Variants in PREX2 observed in about 807,000 individuals in gnomAD.
PREX2 encodes phosphatidylinositol-3,4,5-trisphosphate dependent Rac exchange factor 2, also known as phosphatidylinositol 3,4,5-trisphosphate-dependent Rac exchanger 2 protein.
A neutral mutation model predicts 203.2 loss-of-function variants in PREX2; 107 were observed. The ratio of observed to expected loss-of-function variants is 0.53; its 90% confidence interval spans 0.45 to 0.62. The LOEUF is 0.62. PREX2 is among the 20% of genes least tolerant of loss of function. The probability of loss-of-function intolerance (pLI) is 0.00; values close to 1 mark genes in which losing one functional copy is unlikely to be tolerated. For missense variants in PREX2, 1,777 were observed against 1,955.9 expected, an observed-to-expected ratio of 0.91 and a Z score of 1.72; for synonymous variants, 672 against 663.6, an observed-to-expected ratio of 1.01 and a Z score of -0.19.
chr8:67,960,358 T>C (rs962389288), intron 1 of PREX2, among the ~76,000 whole-genome samples: 28 of 152,134 alleles, frequency 1.8e-4, no homozygotes, highest in African/African-American at 5.8e-4. Flanking sequence ...GGTTTTTTTT[T>C]CCCCTCCATA....
intron 10 of PREX2, among the ~76,000 whole-genome samples, chr8:68,056,709 T>C (rs535293764): frequency 6.6e-6 from 1 of 152,320 alleles, no homozygotes; most frequent in South Asian, 2.1e-4. Context: ...TATACTTTTT[T>C]AAAGATACAG....
chr8:68,164,152 T>A (rs1185829194), intron 35 of PREX2, among the ~76,000 whole-genome samples: 1 of 152,096 alleles, frequency 6.6e-6, no homozygotes. Context: ...CTCTCCCAGA[T>A]CATTTTATGT....
chr8:68,128,648 C>T lies in PREX2; in HGVS notation c.3766+1229C>T, dbSNP rs1810944059. 2.0e-5 allele frequency among the ~76,000 whole-genome samples: 3 copies of T among 152,256 alleles called. No individual in the cohort carries two copies. The South Asian group carries it at 6.2e-4, about 32-fold the overall frequency. Reference sequence around the variant, plus strand: ...TCTATGAGGCTAGCCTGTTCTTGTTCACATGGTGGATTTGCAGGGTTCCAG... The same window carrying T: ...TCTATGAGGCTAGCCTGTTCTTGTTTACATGGTGGATTTGCAGGGTTCCAG... On this transcript the variant is annotated intron_variant, in intron 31 of 39. Coordinates refer to ENST00000288368, the MANE Select transcript of PREX2 (RefSeq NM_024870.4).
At chr8:68,202,896 C>A (rs1812535175) in intron 37 of PREX2, among the ~76,000 whole-genome samples, 1 of 152,142 alleles carries the variant, frequency 6.6e-6, no homozygotes, top group Non-Finnish European at 1.5e-5. Context: ...CCAAGGAAGC[C>A]AATGCTGTGA....
At position 68,213,005 on chromosome 8, in the gene PREX2, TATTA is replaced by T. The variant is rs1812770304; in HGVS notation, c.4605-4610_4605-4607del. ...TCCTGGGGGCCTCAGGATATGGACGTATTACATCATGACCTCTGGCCCTGCACCT... is the reference window on the plus strand; with the variant it reads ...TCCTGGGGGCCTCAGGATATGGACGTCATCATGACCTCTGGCCCTGCACCT... On this transcript the variant is annotated intron_variant, in intron 37 of 39. Coordinates refer to ENST00000288368, the MANE Select transcript of PREX2 (RefSeq NM_024870.4). 4.6e-5 allele frequency among the ~76,000 whole-genome samples: 7 copies of T among 152,304 alleles called. No homozygotes were observed. The South Asian group carries it at 6.2e-4, about 14-fold the overall frequency.
In PREX2 at chr8:68,073,346, A is replaced by G. The variant is rs1351396424; in HGVS notation, c.1569+776A>G. ...TTGCTTGGTTGAAATGCAAGTCACT[A>G]TGTTTAGCTATGTGAGTCAATTTCA... On this transcript the variant is annotated intron_variant, in intron 14 of 39. Coordinates refer to ENST00000288368, the MANE Select transcript of PREX2 (RefSeq NM_024870.4). Among the ~76,000 whole-genome samples, 14 of 151,866 alleles carry G rather than the reference A, an allele frequency of 9.2e-5. No individual in the cohort carries two copies. The East Asian group carries it at 1.9e-3, about 21-fold the overall frequency.
intron 10 of PREX2, among the ~76,000 whole-genome samples, chr8:68,058,829 A>G (rs1313827697): frequency 6.6e-6 from 1 of 152,256 alleles, no homozygotes; most frequent in Non-Finnish European, 1.5e-5. Context: ...TAGTGGAAAC[A>G]GAAACAGGAT....
At position 67,966,646 on chromosome 8, in the gene PREX2, G is replaced by A. The variant is rs183178086; in HGVS notation, c.141+14111G>A. 5.9e-5 allele frequency among the ~76,000 whole-genome samples: 9 copies of A among 152,042 alleles called. No homozygotes were observed. In the East Asian group the frequency reaches 1.7e-3, roughly 29 times the overall value. ...ACAACAACAACAACAAAAAGAAAAT[G>A]CAACCAGAGCTATTTATAAATTAAT... On this transcript the variant is annotated intron_variant, in intron 1 of 39. Transcript: ENST00000288368.
At chr8:68,098,840 T>C (rs894903464) in intron 22 of PREX2, among the ~76,000 whole-genome samples, 5 of 151,252 alleles carry the variant, frequency 3.3e-5, no homozygotes, top group Non-Finnish European at 7.4e-5. Flanking sequence ...CCAGAACATA[T>C]ATACATTTTA....
At chr8:68,098,517 G>A (rs183997636) in intron 22 of PREX2, among the ~76,000 whole-genome samples, 30 of 151,902 alleles carry the variant, frequency 2.0e-4, no homozygotes, top group East Asian at 1.9e-3. Flanking sequence ...GTCTCTTCCC[G>A]TCTACATTAT....
At chr8:67,971,159 A>G (rs746684784) in intron 1 of PREX2, among the ~76,000 whole-genome samples, 2 of 152,050 alleles carry the variant, frequency 1.3e-5, no homozygotes, top group East Asian at 3.9e-4. Context: ...ACAGTGTGGG[A>G]GCTAGGGGAG....
chr8:68,176,180 T>C (rs997682663), intron 35 of PREX2, among the ~76,000 whole-genome samples: 1 of 152,162 alleles, frequency 6.6e-6, no homozygotes, highest in Non-Finnish European at 1.5e-5. Flanking sequence ...TAAAATTAGA[T>C]GCATTCAGAA....
chr8:68,054,072 A>G (rs951719527), intron 9 of PREX2, among the ~76,000 whole-genome samples: 1 of 152,212 alleles, frequency 6.6e-6, no homozygotes, highest in African/African-American at 2.4e-5. Context: ...ATTTCAGAAC[A>G]CAAAGAACTC....
rs1281767980 is a variant in PREX2 at position 68,046,675 on chromosome 8, AG to A, written c.943+2086del. ...AATTCGCAGGCTTGATTTTCTTTAA[AG>A]TAAGATGAAAACATTTATTACATCT... On this transcript the variant is annotated intron_variant, in intron 8 of 39. Coordinates refer to ENST00000288368, the MANE Select transcript of PREX2 (RefSeq NM_024870.4). Among the ~76,000 whole-genome samples, 46 of 152,222 alleles carry A rather than the reference AG, an allele frequency of 3.0e-4. 1 individual carries two copies. In the Middle Eastern group the frequency reaches 0.017, roughly 56 times the overall value.
chr8:68,212,797 A>G (rs1563590014), intron 37 of PREX2, among the ~76,000 whole-genome samples: 1 of 152,244 alleles, frequency 6.6e-6, no homozygotes, highest in Non-Finnish European at 1.5e-5. Context: ...GCTTTCCAAC[A>G]TCAAAATGAG....
intron 20 of PREX2, among the ~76,000 whole-genome samples, chr8:68,092,279 G>A (rs527491682): frequency 2.4e-4 from 36 of 152,252 alleles, no homozygotes; most frequent in Middle Eastern, 3.4e-3. Context: ...GAAACTAAGC[G>A]GTGCGGCTCA....
chr8:68,193,865 G>T (rs185097308), intron 37 of PREX2, among the ~76,000 whole-genome samples: 3 of 152,318 alleles, frequency 2.0e-5, no homozygotes, highest in Non-Finnish European at 2.9e-5. Flanking sequence ...TTTGCCTTGA[G>T]ATGGCCACAT....
At chr8:68,008,546 A>G (rs970647867) in intron 1 of PREX2, among the ~76,000 whole-genome samples, 2 of 152,166 alleles carry the variant, frequency 1.3e-5, no homozygotes, top group African/African-American at 4.8e-5. Context: ...GTCAGTTTTA[A>G]AGAAAAGGTA....
chr8:68,172,224 T>C (rs1191411597), intron 35 of PREX2, among the ~76,000 whole-genome samples: 1 of 152,216 alleles, frequency 6.6e-6, no homozygotes, highest in Non-Finnish European at 1.5e-5. Flanking sequence ...TGAATTAGTT[T>C]ATAATGCTTG....
Sources: gnomAD v4.1 joint callset for allele counts (sites outside exome capture counted in the v4.1 genomes callset) on GRCh38, gnomAD v4.1.1 for gene constraint, MANE v1.5 for transcripts, NCBI Gene and HGNC (gene_info 2026-07-23, HGNC 2026-07-21) for gene names.